Variants in ZC3H7A observed in about 807,000 individuals in gnomAD.
ZC3H7A encodes zinc finger CCCH domain-containing protein 7A.
A neutral mutation model predicts 125.5 loss-of-function variants in ZC3H7A; 44 were observed. The observed-to-expected ratio is 0.35, with a 90% CI of 0.28 to 0.45. The LOEUF (loss-of-function observed/expected upper bound fraction) is 0.45, where lower values mean the gene tolerates loss of function less well. Ranked by LOEUF, ZC3H7A falls within the 20% of genes least tolerant of loss-of-function variation. The pLI, the probability that ZC3H7A is intolerant of heterozygous loss-of-function variation, is 1.00. For missense variants in ZC3H7A, 977 were observed against 1,170.7 expected (o/e 0.83, Z 2.41); for synonymous variants, 399 against 391.2 (o/e 1.02, Z -0.23).
At chr16:11,753,326 A>G (rs1174108079) in intron 21 of ZC3H7A, among the ~76,000 whole-genome samples, 1 of 152,254 alleles carries the variant, frequency 6.6e-6, no homozygotes, top group Non-Finnish European at 1.5e-5. Context: ...GTGCTACAAC[A>G]GATGCAAACT....
At chr16:11,787,405 T>C (rs1041726416) in intron 1 of ZC3H7A, among the ~76,000 whole-genome samples, 1 of 152,164 alleles carries the variant, frequency 6.6e-6, no homozygotes, top group Admixed American at 6.5e-5. Flanking sequence ...TCACCATTGA[T>C]TAGTTTTACC....
intron 17 of ZC3H7A, 47 bp from the exon 18 acceptor site, chr16:11,762,090 GT>G (rs1567375995): frequency 6.6e-7 from 1 of 1,507,034 alleles, no homozygotes; most frequent in Admixed American, 2.4e-5. Flanking sequence ...CAGAAAACCA[GT>G]TTTCTGATGA....
At chr16:11,785,001 A>G (rs1226264897) in intron 1 of ZC3H7A, among the ~76,000 whole-genome samples, 2 of 151,734 alleles carry the variant, frequency 1.3e-5, no homozygotes, top group Non-Finnish European at 2.9e-5. Flanking sequence ...TCTACTAAAA[A>G]TACAGAATTA....
intron 7 of ZC3H7A, 39 bp downstream of exon 7, chr16:11,776,281 T>A (rs1567386622): frequency 1.3e-5 from 20 of 1,518,998 alleles, no homozygotes; most frequent in South Asian, 4.9e-5. Context: ...TCCTTCCCTT[T>A]AAAAAAAAAT....
intron 9 of ZC3H7A, among the ~76,000 whole-genome samples, chr16:11,771,748 G>A (rs1255744675): frequency 2.6e-5 from 4 of 151,976 alleles, no homozygotes; most frequent in East Asian, 2.0e-4. Flanking sequence ...TGATCCAACC[G>A]CCTAGAACTC....
At chr16:11,784,593 C>T (rs999521468) in intron 1 of ZC3H7A, among the ~76,000 whole-genome samples, 2 of 151,950 alleles carry the variant, frequency 1.3e-5, no homozygotes, top group Non-Finnish European at 2.9e-5. Flanking sequence ...CAGTGGCTCG[C>T]GCCTGTAATC....
At chr16:11,784,891 G>T (rs2053232520) in intron 1 of ZC3H7A, among the ~76,000 whole-genome samples, 1 of 149,520 alleles carries the variant, frequency 6.7e-6, no homozygotes, top group African/African-American at 2.5e-5. Flanking sequence ...GGGCATGGTG[G>T]CTCATGCCTG....
intron 13 of ZC3H7A, among the ~76,000 whole-genome samples, chr16:11,766,752 G>T (rs372484802): frequency 6.6e-6 from 1 of 151,328 alleles, no homozygotes; most frequent in East Asian, 1.9e-4. Flanking sequence ...GTGTACTGGC[G>T]CATGCCTGTA....
chr16:11,764,975 AC>A, intron 15 of ZC3H7A, 77 bp downstream of exon 15: 1 of 946,960 alleles, frequency 1.1e-6, no homozygotes, highest in Non-Finnish European at 1.6e-6. Context: ...GCCTGGACAG[AC>A]ATTACTACTA....
At position 11,752,742 on chromosome 16, in the gene ZC3H7A, CCTT is replaced by C; in HGVS notation, c.2650_2652del (p.Lys884del). 1 of 1,614,146 alleles carries C rather than the reference CCTT, an allele frequency of 6.2e-7. No homozygotes were observed. The highest frequency in any genetic ancestry group is 8.5e-7 in the Non-Finnish European group (1 of 1,180,032). On this transcript the variant is annotated inframe_deletion, in exon 22 of 23. Transcript: ENST00000355758. ...TACTGGTCGTCCTCGGTGTGGAAAACCTTCTCTTTGTGCTTCTCGGAGGAGATG... is the reference window on the plus strand; with the variant it reads ...TACTGGTCGTCCTCGGTGTGGAAAACCTCTTTGTGCTTCTCGGAGGAGATG...
intron 1 of ZC3H7A, among the ~76,000 whole-genome samples, chr16:11,786,248 T>A (rs2141215282): frequency 6.6e-6 from 1 of 152,272 alleles, no homozygotes; most frequent in African/African-American, 2.4e-5. Flanking sequence ...AGTTCGAACT[T>A]TAGAGTTCAG....
At chr16:11,764,544 G>A (rs567277562) in intron 15 of ZC3H7A, among the ~76,000 whole-genome samples, 21 of 151,822 alleles carry the variant, frequency 1.4e-4, no homozygotes, top group African/African-American at 4.3e-4. Context: ...AAAAGACTTC[G>A]TCTCAAAAAA....
chr16:11,789,491 T>C (rs961994629), intron 1 of ZC3H7A, among the ~76,000 whole-genome samples: 3 of 152,050 alleles, frequency 2.0e-5, no homozygotes, highest in Non-Finnish European at 4.4e-5. Flanking sequence ...TGACCTCAGG[T>C]GATCGGCCTG....
intron 10 of ZC3H7A, among the ~76,000 whole-genome samples, chr16:11,769,317 C>T (rs16958639): frequency 0.038 from 5,821 of 152,126 alleles, 397 homozygotes; most frequent in African/African-American, 0.13. Context: ...AAACCTACTT[C>T]CAGAAAAATA....
At chr16:11,772,974 C>T (rs1006960571) in intron 9 of ZC3H7A, among the ~76,000 whole-genome samples, 4 of 151,628 alleles carry the variant, frequency 2.6e-5, no homozygotes, top group South Asian at 2.1e-4. Context: ...TACAGGTGTG[C>T]GCCACTGCAC....
rs1567401485 is a variant in ZC3H7A, at chr16:11,797,247, G to C, written c.-158C>G. The C allele has an allele frequency of 6.6e-6, 1 of 151,186 alleles. No individual in the cohort carries two copies. Among genetic ancestry groups the C allele is most frequent in the South Asian group, 1.8e-4 (1 of 5,672 alleles). 9.4% of individuals were successfully genotyped at this position (151,186 alleles called of 1,614,324 possible). On this transcript the variant is annotated 5_prime_UTR_variant, in exon 1 of 23. Transcript: ENST00000355758. ...CGCTCGCAGCTCTCCCTCGGTTAGC[G>C]GCGGCGGCAGCGGCTCGGTTGCGCC... is the stretch of plus-strand genomic sequence containing the variant.
In ZC3H7A at chr16:11,751,212, C is replaced by G; in HGVS notation, c.*105G>C. On this transcript the variant is annotated 3_prime_UTR_variant, in exon 23 of 23. Transcript: ENST00000355758. ...TGCTGCTCAGGAGGAACGATATACG[C>G]CAATACAAGCAGGAAATCTGCAGCT... 1 of 1,253,684 alleles carries G rather than the reference C, an allele frequency of 8.0e-7. No individual in the cohort carries two copies. The highest frequency in any genetic ancestry group is 1.1e-6 in the Non-Finnish European group (1 of 922,676). 77.7% of individuals were successfully genotyped at this position (1,253,684 alleles called of 1,614,324 possible). A position where few individuals can be genotyped will look rare whatever the true frequency, so the allele number is the denominator to read the frequency against.
At chr16:11,793,758 A>C (rs939466062) in intron 1 of ZC3H7A, among the ~76,000 whole-genome samples, 1 of 152,240 alleles carries the variant, frequency 6.6e-6, no homozygotes, top group Non-Finnish European at 1.5e-5. Flanking sequence ...CTGCAAACCC[A>C]GATGATAAGA....
intron 3 of ZC3H7A, among the ~76,000 whole-genome samples, 156 bp from the exon 4 acceptor site, chr16:11,779,519 T>G (rs966690233): frequency 1.4e-4 from 21 of 152,222 alleles, no homozygotes; most frequent in Admixed American, 6.5e-5. Flanking sequence ...GTCACTGCTA[T>G]CTCAGCTAGG....
Sources: gnomAD v4.1 joint callset for allele counts (sites outside exome capture counted in the v4.1 genomes callset) on GRCh38, gnomAD v4.1.1 for gene constraint, MANE v1.5 for transcripts, NCBI Gene and HGNC (gene_info 2026-07-23, HGNC 2026-07-21) for gene names.